The following NRG1 variants were observed in gnomAD, a reference collection of about 807,000 sequenced individuals.
The protein encoded by NRG1 is neuregulin 1.
Under a neutral mutation model 63.8 loss-of-function variants are expected in NRG1, and 18 were observed. The observed-to-expected ratio is 0.28, with a 90% CI of 0.19 to 0.42. The LOEUF (loss-of-function observed/expected upper bound fraction) is 0.42, where lower values mean the gene tolerates loss of function less well. Ranked by LOEUF, NRG1 falls within the 10% of genes least tolerant of loss-of-function variation. NRG1 has a pLI of 1.00. For synonymous variants in NRG1, 302 were observed against 301.3 expected (o/e 1.00, Z -0.02); for missense variants, 762 against 814.7 (o/e 0.94, Z 0.79).
Position 31,921,477 on chromosome 8 carries a change from T to TACACACAC in NRG1, c.37+282062_37+282069dup, listed in dbSNP as rs10557313. 1.7e-4 allele frequency among the ~76,000 whole-genome samples: 26 copies of TACACACAC among 150,804 alleles called. 1 individual carries two copies. Among genetic ancestry groups the TACACACAC allele is most frequent in the African/African-American group, 6.1e-4 (25 of 41,128 alleles). On this transcript the variant is annotated intron_variant, in intron 1 of 10. Coordinates refer to the NRG1 transcript ENST00000519301. ...ATCTATTTACACACATACACACACA[T>TACACACAC]ACACACACACACACACACACACAGA...
intron 1 of NRG1, among the ~76,000 whole-genome samples, chr8:32,489,080 T>A (rs1826235273): frequency 6.6e-6 from 1 of 152,192 alleles, no homozygotes; most frequent in African/African-American, 2.4e-5. Context: ...GCACAGGGAT[T>A]TGACCTTCTG....
At chr8:31,811,351 C>T (rs536144027) in intron 1 of NRG1, among the ~76,000 whole-genome samples, 1 of 152,304 alleles carries the variant, frequency 6.6e-6, no homozygotes, top group Admixed American at 6.5e-5. Context: ...TCTATTTCTA[C>T]TAAGCCCATT....
chr8:32,621,778 C>A (rs930771038), intron 5 of NRG1, among the ~76,000 whole-genome samples: 3 of 152,152 alleles, frequency 2.0e-5, no homozygotes, highest in Non-Finnish European at 2.9e-5. Context: ...ATCATGAAAA[C>A]TTATTACACT....
At chr8:31,943,828 A>G (rs1349572709) in intron 1 of NRG1, among the ~76,000 whole-genome samples, 1 of 152,216 alleles carries the variant, frequency 6.6e-6, no homozygotes, top group African/African-American at 2.4e-5. Context: ...CAGGGAAGCT[A>G]CAAAGATTTC....
intron 1 of NRG1, among the ~76,000 whole-genome samples, chr8:32,492,965 A>G (rs1449720979): frequency 6.6e-6 from 1 of 152,128 alleles, no homozygotes; most frequent in Admixed American, 6.6e-5. Context: ...TGAAAATAAA[A>G]ATAAGGTGGA....
intron 1 of NRG1, among the ~76,000 whole-genome samples, chr8:32,174,689 G>A (rs552135634): frequency 1.3e-5 from 2 of 152,242 alleles, no homozygotes; most frequent in Non-Finnish European, 2.9e-5. Flanking sequence ...TACCATCAGA[G>A]AATACTATAA....
chr8:32,466,206 A>C (rs1030111266), intron 1 of NRG1, among the ~76,000 whole-genome samples: 1 of 152,148 alleles, frequency 6.6e-6, no homozygotes, highest in Non-Finnish European at 1.5e-5. Context: ...ATGTTCCTGT[A>C]CTTCCAGCTA....
chr8:32,268,586 T>C (rs1382218645), intron 1 of NRG1, among the ~76,000 whole-genome samples: 2 of 152,196 alleles, frequency 1.3e-5, no homozygotes. Flanking sequence ...TGTGTCCATG[T>C]GTCCATACAT....
At chr8:31,760,691 G>T (rs539536081) in intron 1 of NRG1, among the ~76,000 whole-genome samples, 1 of 151,848 alleles carries the variant, frequency 6.6e-6, no homozygotes, top group African/African-American at 2.4e-5. Flanking sequence ...GCCAAAAGAC[G>T]CATGAAAAAA....
intron 1 of NRG1, 150 bp downstream of exon 1, chr8:32,548,976 T>G: frequency 8.7e-7 from 1 of 1,143,596 alleles, no homozygotes; most frequent in Non-Finnish European, 1.2e-6. Context: ...CGCGCGGTGC[T>G]TCCCCTCCTG....
At chr8:32,759,466 T>A (rs929147237) in intron 10 of NRG1, 30 bp downstream of exon 10, 14 of 1,607,144 alleles carry the variant, frequency 8.7e-6, no homozygotes, top group Non-Finnish European at 1.2e-5. Context: ...CCACGGCTTT[T>A]CTCTCAGAAT....
chr8:32,679,531 G>C (rs564711202), intron 5 of NRG1, among the ~76,000 whole-genome samples: 3 of 151,924 alleles, frequency 2.0e-5, no homozygotes, highest in Non-Finnish European at 4.4e-5. Context: ...ACCCTAATAC[G>C]TAACAAAGTT....
downstream of NRG1, among the ~76,000 whole-genome samples, chr8:32,771,936 T>TC (rs1280093761): frequency 1.4e-5 from 2 of 146,032 alleles, no homozygotes; most frequent in African/African-American, 5.0e-5. Context: ...GGCAGGAGAA[T>TC]CACTTGAACC....
At chr8:31,844,005 A>G (rs1410271264) in intron 1 of NRG1, among the ~76,000 whole-genome samples, 2 of 152,220 alleles carry the variant, frequency 1.3e-5, no homozygotes, top group African/African-American at 4.8e-5. Context: ...GGTACTGTTC[A>G]AAGAGTTTTA....
At chr8:32,746,868 T>C (rs1012540535) in intron 7 of NRG1, among the ~76,000 whole-genome samples, 1 of 67,958 alleles carries the variant, frequency 1.5e-5, no homozygotes, top group African/African-American at 9.1e-5. Context: ...TGTATTCTGC[T>C]TTTTTTTTTT....
At chr8:31,906,117 C>T (rs1832499794) in intron 1 of NRG1, among the ~76,000 whole-genome samples, 1 of 152,188 alleles carries the variant, frequency 6.6e-6, no homozygotes, top group Non-Finnish European at 1.5e-5. Context: ...GACCCCAACT[C>T]AAGGTCTCCC....
At chr8:32,108,127 A>G (rs1831512875) in intron 1 of NRG1, among the ~76,000 whole-genome samples, 1 of 152,124 alleles carries the variant, frequency 6.6e-6, no homozygotes, top group African/African-American at 2.4e-5. Context: ...AGGCAGAACC[A>G]TGACCCTCCT....
At chr8:32,753,147 G>A (rs570457958) in intron 7 of NRG1, among the ~76,000 whole-genome samples, 1 of 152,252 alleles carries the variant, frequency 6.6e-6, no homozygotes, top group African/African-American at 2.4e-5. Context: ...CCCAGTTCTT[G>A]ACCAATTTAT....
intron 1 of NRG1, among the ~76,000 whole-genome samples, chr8:31,849,250 A>G (rs1444094073): frequency 6.6e-6 from 1 of 152,228 alleles, no homozygotes; most frequent in Non-Finnish European, 1.5e-5. Flanking sequence ...TAGCTAGTAA[A>G]TGGCTCAAAC....
Sources: allele counts gnomAD v4.1 joint callset (sites outside exome capture counted in the v4.1 genomes callset), GRCh38; gene constraint gnomAD v4.1.1; transcripts MANE v1.5; gene names NCBI Gene and HGNC (gene_info 2026-07-23, HGNC 2026-07-21).